NRG2: variants seen among roughly 807,000 people sequenced by gnomAD.
NRG2 encodes neuregulin 2, also known as pro-neuregulin-2, membrane-bound isoform.
A neutral mutation model predicts 73.9 loss-of-function variants in NRG2; 27 were observed. The ratio of observed to expected loss-of-function variants is 0.37; its 90% CI spans 0.27 to 0.50. NRG2 has a LOEUF of 0.50. NRG2 is among the 20% of genes least tolerant of loss of function. NRG2 has a pLI of 0.96. For missense variants in NRG2, 1,126 were observed against 1,210.1 expected (o/e 0.93, Z 1.03); for synonymous variants, 532 against 541.0 (o/e 0.98, Z 0.23).
chr5:139,922,417 T>C (rs997043518), intron 1 of NRG2, among the ~76,000 whole-genome samples: 1 of 152,196 alleles, frequency 6.6e-6, no homozygotes, highest in African/African-American at 2.4e-5. Context: ...ATACACCTAT[T>C]AGAATGCCCC....
At chr5:140,009,525 A>G (rs1229948726) in intron 1 of NRG2, among the ~76,000 whole-genome samples, 1 of 152,212 alleles carries the variant, frequency 6.6e-6, no homozygotes, top group Non-Finnish European at 1.5e-5. Flanking sequence ...CCAAAGAATG[A>G]AATTGCTCGA....
At chr5:139,943,116 T>C (rs916737418) in intron 1 of NRG2, among the ~76,000 whole-genome samples, 3 of 151,730 alleles carry the variant, frequency 2.0e-5, no homozygotes, top group Admixed American at 1.3e-4. Flanking sequence ...GCTGCAATTA[T>C]AGGTGCGAGC....
At chr5:140,041,261 A>C (rs923962053) in intron 1 of NRG2, among the ~76,000 whole-genome samples, 5 of 152,244 alleles carry the variant, frequency 3.3e-5, no homozygotes, top group Non-Finnish European at 7.3e-5. Context: ...GTCATACCGC[A>C]TGCCAACAAA....
At chr5:140,006,215 C>A (rs748972075) in intron 1 of NRG2, among the ~76,000 whole-genome samples, 1 of 152,180 alleles carries the variant, frequency 6.6e-6, no homozygotes. Context: ...AAGCAGACCA[C>A]CACTGTGCTT....
At chr5:139,877,135 T>C (rs1011331261) in intron 3 of NRG2, among the ~76,000 whole-genome samples, 1 of 152,202 alleles carries the variant, frequency 6.6e-6, no homozygotes. Flanking sequence ...CCCTTTCACC[T>C]GGGATGAGAC....
intron 1 of NRG2, among the ~76,000 whole-genome samples, chr5:139,945,109 T>C (rs1753710933): frequency 6.6e-6 from 1 of 152,072 alleles, no homozygotes; most frequent in East Asian, 1.9e-4. Flanking sequence ...CTGTATGTTT[T>C]CCTGCTGTTG....
chr5:139,961,324 T>C (rs1290044579), intron 1 of NRG2, among the ~76,000 whole-genome samples: 1 of 151,846 alleles, frequency 6.6e-6, no homozygotes, highest in African/African-American at 2.4e-5. Context: ...TACTGTCCTG[T>C]CTCTCTGAGA....
At chr5:139,976,650 A>G (rs1470169996) in intron 1 of NRG2, among the ~76,000 whole-genome samples, 1 of 152,264 alleles carries the variant, frequency 6.6e-6, no homozygotes, top group East Asian at 1.9e-4. Context: ...CCCCAGGGTC[A>G]TTAATATAAT....
At chr5:139,859,083 G>A (rs1383332550) in intron 5 of NRG2, among the ~76,000 whole-genome samples, 3 of 152,112 alleles carry the variant, frequency 2.0e-5, no homozygotes, top group Non-Finnish European at 4.4e-5. Context: ...CTGGACACTT[G>A]AGCTATGGAG....
At chr5:139,882,452 A>G (rs1254482117) in intron 2 of NRG2, among the ~76,000 whole-genome samples, 1 of 152,168 alleles carries the variant, frequency 6.6e-6, no homozygotes, top group Non-Finnish European at 1.5e-5. Flanking sequence ...CTGCTTAACT[A>G]TACCATATTC....
At chr5:139,946,535 T>C (rs1048123733) in intron 1 of NRG2, among the ~76,000 whole-genome samples, 1 of 152,094 alleles carries the variant, frequency 6.6e-6, no homozygotes, top group Admixed American at 6.5e-5. Flanking sequence ...AACATAGATG[T>C]ATTTCTTTGT....
intron 5 of NRG2, among the ~76,000 whole-genome samples, chr5:139,863,349 G>A (rs1762272285): frequency 6.6e-6 from 1 of 152,242 alleles, no homozygotes; most frequent in Non-Finnish European, 1.5e-5. Flanking sequence ...GAAAGTGCTT[G>A]AAGAGCATAA....
chr5:140,027,735 C>T (rs189997681), intron 1 of NRG2, among the ~76,000 whole-genome samples: 1 of 152,112 alleles, frequency 6.6e-6, no homozygotes, highest in Non-Finnish European at 1.5e-5. Context: ...TCTGTGGTTT[C>T]GCACATCCAC....
chr5:139,888,266 T>A (rs1391436149), intron 1 of NRG2, among the ~76,000 whole-genome samples: 1 of 152,146 alleles, frequency 6.6e-6, no homozygotes, highest in African/African-American at 2.4e-5. Context: ...AGGCTCTCGT[T>A]TGGTCCCTGA....
At chr5:139,959,862 T>C (rs1252219590) in intron 1 of NRG2, among the ~76,000 whole-genome samples, 1 of 152,200 alleles carries the variant, frequency 6.6e-6, no homozygotes, top group Non-Finnish European at 1.5e-5. Context: ...TCAAAGAGCA[T>C]ACTCACTGTG....
chr5:139,948,094 G>A (rs919071902), intron 1 of NRG2, among the ~76,000 whole-genome samples: 11 of 151,880 alleles, frequency 7.2e-5, no homozygotes, highest in Non-Finnish European at 1.5e-5. Flanking sequence ...CCAACCCCTG[G>A]CAGCCACCAT....
chr5:139,853,137 T>C lies in NRG2; in HGVS notation c.1293-110A>G. 6.9e-7 allele frequency: 1 copy of C among 1,457,866 alleles called. No homozygotes were observed. Among genetic ancestry groups the C allele is most frequent in the Non-Finnish European group, 9.4e-7 (1 of 1,066,442 alleles). The allele number at this position is 1,457,866 out of a possible 1,614,324, so 90.3% of individuals were successfully genotyped here. On this transcript the variant is annotated intron_variant, in intron 6 of 9. Transcript: ENST00000361474. This position sits in a 1 kb window ranked among gnomAD's most constrained non-coding sequence, Gnocchi z 4.1. ...CTTTTCCTCCTGCCCAGGGTGGCCA[T>C]GGCTACTGCTCGTCCCTGTACTCAA...
chr5:139,848,254 C>T lies in NRG2; in HGVS notation c.2216G>A (p.Gly739Glu). The change falls in exon 10 of 10, where the codon GGG becomes GAG. Residue 739 changes from glycine (G) to glutamate (E), a missense_variant. By Grantham distance (98) the Gly-to-Glu change is moderately conservative. Transcript: ENST00000361474. ...ARGASRRTSA[G>E]PRRWRRSRLN... ...GCGCGAGCGGCGCCAGCGCCGGGGCCCCGCCGACGTCCTGCGGGACGCACC... is the reference window on the plus strand; with the variant it reads ...GCGCGAGCGGCGCCAGCGCCGGGGCTCCGCCGACGTCCTGCGGGACGCACC... 1.8e-6 allele frequency: 2 copies of T among 1,120,510 alleles called. No homozygotes were observed. The highest frequency in any genetic ancestry group is 2.2e-6 in the Non-Finnish European group (2 of 918,850). The allele number at this position is 1,120,510 out of a possible 1,614,324, so 69.4% of individuals were successfully genotyped here.
At chr5:139,928,044 T>A (rs1378931781) in intron 1 of NRG2, among the ~76,000 whole-genome samples, 2 of 152,006 alleles carry the variant, frequency 1.3e-5, no homozygotes, top group Admixed American at 1.3e-4. Flanking sequence ...ATCCCAATCC[T>A]CACACAATCA....
Sources: gnomAD v4.1 joint callset for allele counts (sites outside exome capture counted in the v4.1 genomes callset) on GRCh38, gnomAD v4.1.1 for gene constraint, Gnocchi (gnomAD v3.1) non-coding constraint, MANE v1.5 for transcripts, NCBI Gene and HGNC (gene_info 2026-07-23, HGNC 2026-07-21) for gene names.